Variants in PLAGL1 observed in about 807,000 individuals in gnomAD.
The protein encoded by PLAGL1 is PLAG1 like zinc finger 1.
A neutral mutation model predicts 4.6 loss-of-function variants in PLAGL1; 1 was observed. That is an observed-to-expected ratio of 0.22 (90% confidence interval 0.08 to 1.03). The LOEUF (loss-of-function observed/expected upper bound fraction) is 1.03, where lower values mean the gene tolerates loss of function less well. Among genes scored for constraint, PLAGL1 ranks in the 50% least tolerant of loss-of-function variants. The pLI is 0.58. For missense variants in PLAGL1, 464 were observed against 570.4 expected (o/e 0.81, Z 1.90); for synonymous variants, 240 against 237.8 (o/e 1.01, Z -0.08).
chr6:144,021,158 TA>T (rs995690902), intron 1 of PLAGL1, among the ~76,000 whole-genome samples: 2 of 152,112 alleles, frequency 1.3e-5, no homozygotes, highest in Admixed American at 1.3e-4. Flanking sequence ...GAAACAGAAC[TA>T]AACGGGTAAG....
Position 144,016,986 on chromosome 6 carries a change from C to G in PLAGL1, c.-151+47482G>C, listed in dbSNP as rs1795607634. Among the ~76,000 whole-genome samples, 1 of 152,136 alleles carries G rather than the reference C, an allele frequency of 6.6e-6. No individual in the cohort carries two copies. Among genetic ancestry groups the G allele is most frequent in the Admixed American group, 6.5e-5 (1 of 15,284 alleles). On this transcript the variant is annotated intron_variant, in intron 1 of 3. Transcript: ENST00000437412. This position sits in a 1 kb window ranked among gnomAD's most constrained non-coding sequence, Gnocchi z 4.2. The stretch of plus-strand genomic sequence containing the variant: ...GGTGAAACCTGACCTAGAGCCTTCT[C>G]TTGGACTCCTAATCCAGTGTTCTTT...
At chr6:144,020,261 C>G (rs147496644) in intron 1 of PLAGL1, among the ~76,000 whole-genome samples, 1 of 151,978 alleles carries the variant, frequency 6.6e-6, no homozygotes, top group Non-Finnish European at 1.5e-5. Context: ...GCCACCTACT[C>G]TATGGACACT....
intron 1 of PLAGL1, among the ~76,000 whole-genome samples, chr6:144,017,164 A>G (rs1795620618): frequency 6.6e-6 from 1 of 152,228 alleles, no homozygotes; most frequent in Admixed American, 6.5e-5. Context: ...TCTAATCACA[A>G]TATAAATAAC....
Position 143,985,199 on chromosome 6 carries a change from A to T in PLAGL1, c.-583-25T>A, listed in dbSNP as rs895880084. 1.3e-5 allele frequency: 2 copies of T among 152,184 alleles called. No homozygotes were observed. Among genetic ancestry groups the T allele is most frequent in the South Asian group, 4.1e-4 (2 of 4,836 alleles). The allele number at this position is 152,184 out of a possible 1,614,324, so 9.4% of individuals were successfully genotyped here. The stretch of plus-strand genomic sequence containing the variant: ...TCTGCAAACAAAAATAAAAATTACT[A>T]GTTTTGTATAATATTTGCACATGCA... On this transcript the variant is annotated intron_variant, in intron 1 of 7. Coordinates refer to ENST00000674357, the MANE Select transcript of PLAGL1 (RefSeq NM_001317162.2). This position sits in a 1 kb window ranked among gnomAD's most constrained non-coding sequence, Gnocchi z 4.4.
chr6:143,956,891 C>G (rs1051156191), intron 6 of PLAGL1, among the ~76,000 whole-genome samples: 2 of 152,220 alleles, frequency 1.3e-5, no homozygotes, highest in African/African-American at 4.8e-5. Flanking sequence ...TGGGATCTGT[C>G]ACCCCAGAAG....
In PLAGL1 at chr6:143,941,409, C is replaced by T. The variant is rs761447530; in HGVS notation, c.*15G>A. 7 of 1,485,276 alleles carry T rather than the reference C, an allele frequency of 4.7e-6. No homozygotes were observed. The highest frequency in any genetic ancestry group is 2.7e-6 in the Non-Finnish European group (3 of 1,116,356). 92.0% of individuals were successfully genotyped at this position (1,485,276 alleles called of 1,614,324 possible). ...AACATCTTCCAGAATACGAAAAATA[C>T]ACTTTAAAAATCAATTATCTGAATG... On this transcript the variant is annotated 3_prime_UTR_variant, in exon 8 of 8. Coordinates refer to ENST00000674357, the MANE Select transcript of PLAGL1 (RefSeq NM_001317162.2). This position sits in a 1 kb window ranked among gnomAD's most constrained non-coding sequence, Gnocchi z 6.0.
chr6:143,943,043 T>TTTTTTTTTTTTTC, intron 7 of PLAGL1, among the ~76,000 whole-genome samples: 1 of 141,738 alleles, frequency 7.1e-6, no homozygotes, highest in Non-Finnish European at 1.5e-5. Flanking sequence ...TTTTTTTTTT[T>TTTTTTTTTTTTTC]TTTTTTTGAG....
rs897779436 is a variant in PLAGL1, at chr6:143,958,545, C to T, written c.-325+1924G>A. Among the ~76,000 whole-genome samples the T allele has an allele frequency of 2.6e-5, 4 of 152,146 alleles. No homozygotes were observed. The highest frequency in any genetic ancestry group is 5.9e-5 in the Non-Finnish European group (4 of 68,038). The stretch of plus-strand genomic sequence containing the variant: ...CCTGTCTGCCTCTCGGGACACAGGC[C>T]GTACTTTATTAGACACAATTATTTC... On this transcript the variant is annotated intron_variant, in intron 6 of 7. Transcript: ENST00000674357. This position sits in a 1 kb window ranked among gnomAD's most constrained non-coding sequence, Gnocchi z 5.1.
rs1218614881 is a variant in PLAGL1, at chr6:143,972,954, A to G, written c.-543-3976T>C. Among the ~76,000 whole-genome samples the G allele has an allele frequency of 6.6e-6, 1 of 152,210 alleles. No homozygotes were observed. Among genetic ancestry groups the G allele is most frequent in the Non-Finnish European group, 1.5e-5 (1 of 68,044 alleles). On this transcript the variant is annotated intron_variant, in intron 2 of 7. Transcript: ENST00000674357. This position sits in a 1 kb window ranked among gnomAD's most constrained non-coding sequence, Gnocchi z 6.8. ...ACAAAACCTCCATTGTTCATTACAC[A>G]CTAGCCCCAAACTTGAGTAATTCTA... is the stretch of plus-strand genomic sequence containing the variant.
chr6:143,969,580 T>C (rs1426050287), intron 2 of PLAGL1, among the ~76,000 whole-genome samples: 2 of 151,474 alleles, frequency 1.3e-5, no homozygotes, highest in Admixed American at 6.6e-5. Context: ...AGGGCAGGAG[T>C]TTGAGACCAG....
At chr6:144,044,326 T>C (rs1797964344) in intron 1 of PLAGL1, among the ~76,000 whole-genome samples, 1 of 152,230 alleles carries the variant, frequency 6.6e-6, no homozygotes, top group South Asian at 2.1e-4. Flanking sequence ...GCGCTATAAA[T>C]TTCCCTCTAC....
intron 1 of PLAGL1, among the ~76,000 whole-genome samples, chr6:144,051,043 C>T (rs75949649): frequency 0.085 from 12,927 of 152,204 alleles, 793 homozygotes; most frequent in Admixed American, 0.21. Context: ...TAAGTCAGTA[C>T]ATGATATGTA....
intron 1 of PLAGL1, among the ~76,000 whole-genome samples, chr6:144,002,883 CTTT>C (rs34276412): frequency 6.9e-6 from 1 of 144,036 alleles, no homozygotes; most frequent in African/African-American, 2.6e-5. Context: ...TTCTGGTAGG[CTTT>C]TTTTTTTTTT....
At position 144,000,965 on chromosome 6, in the gene PLAGL1, A is replaced by T. The variant is rs916924447; in HGVS notation, c.-584+7125T>A. Among the ~76,000 whole-genome samples the T allele has an allele frequency of 6.6e-6, 1 of 152,160 alleles. No individual in the cohort carries two copies. Among genetic ancestry groups the T allele is most frequent in the Non-Finnish European group, 1.5e-5 (1 of 67,976 alleles). On this transcript the variant is annotated intron_variant, in intron 1 of 7. Transcript: ENST00000674357. The surrounding 1 kb of genome is among the most constrained non-coding windows in gnomAD (Gnocchi z 4.1). The stretch of plus-strand genomic sequence containing the variant: ...AATTAAAAATAGAGTATACGTACAT[A>T]TAACTCCTAGCTCTGTCCACAGAGG...
chr6:143,941,667 C>G lies in PLAGL1; in HGVS notation c.1149G>C (p.Leu383=), dbSNP rs761118576. The G allele has an allele frequency of 1.9e-6, 3 of 1,614,176 alleles. No homozygotes were observed. In the South Asian group the frequency reaches 3.3e-5, roughly 18 times the overall value. ...GAGGGGGCAGCTGCCAGAAGCCCAA[C>G]AGGGGGGACAGGTCCAGAGAGGCAG... ...TIPASLDLSP[L]LGFWQLPPPA... Residue 383 remains leucine, a synonymous_variant, in exon 8 of 8, where the codon CTG becomes CTC. Transcript: ENST00000674357. This position sits in a 1 kb window ranked among gnomAD's most constrained non-coding sequence, Gnocchi z 6.0.
rs1781437967 is a variant in PLAGL1, at chr6:143,953,263, A to G, written c.-324-4803T>C. On this transcript the variant is annotated intron_variant, in intron 6 of 7. Transcript: ENST00000674357. This position sits in a 1 kb window ranked among gnomAD's most constrained non-coding sequence, Gnocchi z 5.3. ...GTTTATCCTCATTGTAGGAAGCACT[A>G]CCTGCCCTTCTATTCTGCTCTGAGA... 6.6e-6 allele frequency among the ~76,000 whole-genome samples: 1 copy of G among 152,216 alleles called. No homozygotes were observed. The highest frequency in any genetic ancestry group is 2.4e-5 in the African/African-American group (1 of 41,458).
chr6:143,986,563 G>T (rs1266788574), intron 1 of PLAGL1, among the ~76,000 whole-genome samples: 3 of 152,092 alleles, frequency 2.0e-5, no homozygotes, highest in African/African-American at 4.8e-5. Context: ...ACAGATAAAA[G>T]CTTCAAAATT....
chr6:143,948,362 A>G lies in PLAGL1; in HGVS notation c.-226T>C. On this transcript the variant is annotated 5_prime_UTR_variant, in exon 7 of 8. The change abolishes the stop of an existing upstream ORF in the 5' untranslated region. Transcript: ENST00000674357. This position sits in a 1 kb window ranked among gnomAD's most constrained non-coding sequence, Gnocchi z 6.0. ...CACATCCCAGTTTACATGCAGTCTC[A>G]AGCTGAGGGGAGAAAGTCTGAGGCA... 1 of 495,484 alleles carries G rather than the reference A, an allele frequency of 2.0e-6. No individual in the cohort carries two copies. 30.7% of individuals were successfully genotyped at this position (495,484 alleles called of 1,614,324 possible). A position where few individuals can be genotyped will look rare whatever the true frequency, so the allele number is the denominator to read the frequency against.
In PLAGL1 at chr6:143,953,785, AC is replaced by A. The variant is rs1164461422; in HGVS notation, c.-324-5326del. 1.4e-4 allele frequency among the ~76,000 whole-genome samples: 22 copies of A among 152,346 alleles called. No homozygotes were observed. Among genetic ancestry groups the A allele is most frequent in the African/African-American group, 5.3e-4 (22 of 41,576 alleles). ...TAAGCCAGCATTAAGAGGCAACAAAACAACCTGCTATACCCTGAAGCATCTA... is the reference window on the plus strand; with the variant it reads ...TAAGCCAGCATTAAGAGGCAACAAAAAACCTGCTATACCCTGAAGCATCTA... On this transcript the variant is annotated intron_variant, in intron 6 of 7. Transcript: ENST00000674357. The surrounding 1 kb of genome is among the most constrained non-coding windows in gnomAD (Gnocchi z 5.3).
Sources: gnomAD v4.1 joint callset for allele counts (sites outside exome capture counted in the v4.1 genomes callset) on GRCh38, gnomAD v4.1.1 for gene constraint, Gnocchi (gnomAD v3.1) non-coding constraint, MANE v1.5 for transcripts, NCBI Gene and HGNC (gene_info 2026-07-23, HGNC 2026-07-21) for gene names.